The following NAALAD2 variants were observed in gnomAD, a reference collection of about 807,000 sequenced individuals.
NAALAD2 encodes the protein N-acetylated-alpha-linked acidic dipeptidase 2.
NAALAD2 carries 89 observed loss-of-function variants against 95.6 expected under a neutral mutation model. The observed-to-expected ratio is 0.93, with a 90% CI of 0.78 to 1.11. NAALAD2 has a LOEUF of 1.11. Among genes scored for constraint, NAALAD2 ranks in the 50% least tolerant of loss-of-function variants. The pLI, the probability that NAALAD2 is intolerant of heterozygous loss-of-function variation, is 0.00. For missense variants in NAALAD2, 894 were observed against 872.4 expected (o/e 1.02, Z -0.31); for synonymous variants, 264 against 294.4 (o/e 0.90, Z 1.06).
chr11:90,144,894 T>C (rs1951714069), intron 2 of NAALAD2, among the ~76,000 whole-genome samples: 1 of 152,060 alleles, frequency 6.6e-6, no homozygotes, highest in Admixed American at 6.6e-5. Flanking sequence ...GAAGAGTGGG[T>C]TAAAGGGCTT....
chr11:90,191,782 T>C lies in NAALAD2; in HGVS notation c.*35T>C. On this transcript the variant is annotated 3_prime_UTR_variant, in exon 19 of 19. Transcript: ENST00000534061. ...AGTGGCTAGCCATTAAAGGTGTTGC[T>C]AAAAGTCTGAGGATAAAATTCACCT... 1 of 1,424,768 alleles carries C rather than the reference T, an allele frequency of 7.0e-7. No individual in the cohort carries two copies. Among genetic ancestry groups the C allele is most frequent in the Non-Finnish European group, 9.3e-7 (1 of 1,079,558 alleles). 88.3% of individuals were successfully genotyped at this position (1,424,768 alleles called of 1,614,324 possible).
chr11:90,159,294 A>G lies in NAALAD2; in HGVS notation c.946A>G (p.Ser316Gly), dbSNP rs1459910891. The G allele has an allele frequency of 2.5e-6, 4 of 1,613,800 alleles. No homozygotes were observed. The highest frequency in any genetic ancestry group is 1.1e-5 in the South Asian group (1 of 91,072). ...GAGTTGGAAGGGAGCCCTTAATGTG[A>G]GTTATAGTATCGGACCTGGCTTTAC... is the stretch of plus-strand genomic sequence containing the variant. Reference protein sequence around the residue: ...DKSWKGALNVSYSIGPGFTGS... With the variant: ...DKSWKGALNVGYSIGPGFTGS... The change falls in exon 8 of 19, where the codon AGT becomes GGT. Residue 316 changes from serine (S) to glycine (G), a missense_variant. By Grantham distance (56) the Ser-to-Gly change is moderately conservative. Coordinates refer to ENST00000534061, the MANE Select transcript of NAALAD2 (RefSeq NM_005467.4).
chr11:90,154,723 G>A (rs191755948), intron 6 of NAALAD2, among the ~76,000 whole-genome samples: 26 of 150,636 alleles, frequency 1.7e-4, no homozygotes, highest in African/African-American at 5.6e-4. Context: ...TAAATATTTG[G>A]TAGAATTCTC....
At chr11:90,176,890 C>T (rs9971593) in intron 15 of NAALAD2, among the ~76,000 whole-genome samples, 63,202 of 151,916 alleles carry the variant, frequency 0.42, 13,439 homozygotes, top group South Asian at 0.5. Context: ...AGAATGCTTA[C>T]ATTCATTACA....
intron 12 of NAALAD2, chr11:90,169,751 T>A: frequency 3.6e-6 from 1 of 275,482 alleles, no homozygotes; most frequent in Non-Finnish European, 6.8e-6. Flanking sequence ...AAGTAAAAAA[T>A]TAATGCTACA....
intron 16 of NAALAD2, among the ~76,000 whole-genome samples, chr11:90,178,569 G>C (rs1287880206): frequency 6.6e-6 from 1 of 151,938 alleles, no homozygotes; most frequent in African/African-American, 2.4e-5. Context: ...TACTCGGGAG[G>C]CTGAGGCAGG....
rs180869294 is a variant in NAALAD2, at chr11:90,172,067, A to G, written c.1411-1757A>G. ...CGGGACGTGATTTCTGATTGGCACTATTATGGAGACAGTATGATTCAGAAA... is the reference window on the plus strand; with the variant it reads ...CGGGACGTGATTTCTGATTGGCACTGTTATGGAGACAGTATGATTCAGAAA... On this transcript the variant is annotated intron_variant, in intron 13 of 18. Coordinates refer to ENST00000534061, the MANE Select transcript of NAALAD2 (RefSeq NM_005467.4). Among the ~76,000 whole-genome samples the G allele has an allele frequency of 2.6e-4, 39 of 152,314 alleles. 1 individual carries two copies. The East Asian group carries it at 6.2e-3, about 24-fold the overall frequency.
intron 16 of NAALAD2, among the ~76,000 whole-genome samples, chr11:90,178,912 C>T (rs1477137693): frequency 6.6e-6 from 1 of 152,072 alleles, no homozygotes; most frequent in African/African-American, 2.4e-5. Context: ...TGTGCATCTC[C>T]TATACAGCAA....
chr11:90,163,328 GA>G lies in NAALAD2; in HGVS notation c.1095del (p.Gly366ValfsTer30). On this transcript the variant is annotated frameshift_variant, in exon 10 of 19. Coordinates refer to ENST00000534061, the MANE Select transcript of NAALAD2 (RefSeq NM_005467.4). LOFTEE classifies it high-confidence loss of function. Reference protein sequence around the residue: ...SVEPDRYVILGGHRDSWVFGA... With the variant: ...SVEPDRYVILXGHRDSWVFGA... ...TTTCCAGACAGGTATGTTATTCTGG[GA>G]GGTCACCGGGACTCCTGGGTATTTG... The G allele has an allele frequency of 1.2e-6, 2 of 1,613,690 alleles. No homozygotes were observed. Among genetic ancestry groups the G allele is most frequent in the Non-Finnish European group, 1.7e-6 (2 of 1,179,716 alleles).
intron 8 of NAALAD2, among the ~76,000 whole-genome samples, chr11:90,159,590 A>T (rs2134905030): frequency 6.6e-6 from 1 of 152,284 alleles, no homozygotes; most frequent in South Asian, 2.1e-4. Flanking sequence ...ATTTTTCAAA[A>T]TTCTCTCTTC....
At chr11:90,169,899 T>G (rs1025313085) in intron 12 of NAALAD2, among the ~76,000 whole-genome samples, 170 bp from the exon 13 acceptor site, 1 of 152,154 alleles carries the variant, frequency 6.6e-6, no homozygotes, top group Admixed American at 6.5e-5. Context: ...TGGTGCAGGC[T>G]CTCTTGCTCC....
intron 18 of NAALAD2, among the ~76,000 whole-genome samples, chr11:90,188,221 A>C (rs1312097597): frequency 6.6e-6 from 1 of 152,196 alleles, no homozygotes. Flanking sequence ...GCTGAACTTA[A>C]AATATTTAAG....
At chr11:90,161,075 T>C (rs748394947) in intron 8 of NAALAD2, among the ~76,000 whole-genome samples, 2 of 152,110 alleles carry the variant, frequency 1.3e-5, no homozygotes, top group African/African-American at 2.4e-5. Flanking sequence ...AAGCTAGAGA[T>C]ATAGAGTATC....
intron 2 of NAALAD2, among the ~76,000 whole-genome samples, chr11:90,144,588 A>G (rs1590961495): frequency 6.6e-6 from 1 of 151,802 alleles, no homozygotes; most frequent in East Asian, 1.9e-4. Context: ...TAAAAATACA[A>G]AAAATTAGCT....
At position 90,178,102 on chromosome 11, in the gene NAALAD2, C is replaced by G; in HGVS notation, c.1843C>G (p.His615Asp). ...GAAACATGATCAACAATTGACAGAC[C>G]ATGGAGTATCATTTGGTAAGAAATA... Reference protein sequence around the residue: ...SKKHDQQLTDHGVSFDSLFSA... With the variant: ...SKKHDQQLTDDGVSFDSLFSA... Residue 615 changes from histidine (H) to aspartate (D), a missense_variant, in exon 16 of 19, where the codon CAT (histidine) becomes GAT (aspartate). His to Asp is a moderately conservative substitution (Grantham distance 81, BLOSUM62 -1). Transcript: ENST00000534061. 6.2e-7 allele frequency: 1 copy of G among 1,609,026 alleles called. No individual in the cohort carries two copies. Among genetic ancestry groups the G allele is most frequent in the Non-Finnish European group, 8.5e-7 (1 of 1,178,402 alleles).
chr11:90,175,723 G>T (rs1372528610), intron 14 of NAALAD2, among the ~76,000 whole-genome samples: 1 of 152,132 alleles, frequency 6.6e-6, no homozygotes, highest in Non-Finnish European at 1.5e-5. Context: ...ATAGGTTGGT[G>T]CAAAAGTATT....
At chr11:90,150,023 G>A (rs554975283) in intron 4 of NAALAD2, among the ~76,000 whole-genome samples, 2 of 152,052 alleles carry the variant, frequency 1.3e-5, no homozygotes, top group Admixed American at 6.6e-5. Flanking sequence ...AGGTTGAGGC[G>A]GGCAGATCTT....
chr11:90,133,273 C>A (rs1281105607), upstream of NAALAD2, among the ~76,000 whole-genome samples: 1 of 152,166 alleles, frequency 6.6e-6, no homozygotes, highest in Non-Finnish European at 1.5e-5. Context: ...TGAAGCCAAT[C>A]ATAAATTCCT....
chr11:90,189,820 C>A (rs1857271065), intron 18 of NAALAD2, among the ~76,000 whole-genome samples: 3 of 151,762 alleles, frequency 2.0e-5, no homozygotes, highest in African/African-American at 7.3e-5. Flanking sequence ...TGAATACTTA[C>A]TATGTACTGA....
Sources: gnomAD v4.1 joint callset for allele counts (sites outside exome capture counted in the v4.1 genomes callset) on GRCh38, gnomAD v4.1.1 for gene constraint, MANE v1.5 for transcripts, NCBI Gene and HGNC (gene_info 2026-07-23, HGNC 2026-07-21) for gene names.